GRID2: variants seen among roughly 807,000 people sequenced by gnomAD.
GRID2 encodes glutamate ionotropic receptor delta type subunit 2.
A neutral mutation model predicts 114.8 loss-of-function variants in GRID2; 33 were observed. The observed-to-expected ratio is 0.29, with a 90% CI of 0.22 to 0.38. The LOEUF is 0.38. GRID2 is among the 10% of genes least tolerant of loss of function. The probability of loss-of-function intolerance (pLI) is 1.00; values close to 1 mark genes in which losing one functional copy is unlikely to be tolerated. For synonymous variants in GRID2, 505 were observed against 449.9 expected (o/e 1.12, Z -1.55); for missense variants, 1,184 against 1,257.7 (o/e 0.94, Z 0.89).
At chr4:93,325,709 CT>C (rs58497849) in intron 8 of GRID2, among the ~76,000 whole-genome samples, 52,045 of 151,588 alleles carry the variant, frequency 0.34, 9,385 homozygotes, top group East Asian at 0.61. Context: ...CCTCATTTTT[CT>C]TCTTTAAACT....
At chr4:93,015,830 A>G (rs1722639229) in intron 2 of GRID2, among the ~76,000 whole-genome samples, 1 of 152,138 alleles carries the variant, frequency 6.6e-6, no homozygotes, top group Non-Finnish European at 1.5e-5. Context: ...AGTAGCTACT[A>G]GATCAGTGTT....
At chr4:92,817,731 C>T (rs186075405) in intron 2 of GRID2, among the ~76,000 whole-genome samples, 170 of 151,520 alleles carry the variant, frequency 1.1e-3, no homozygotes, top group Non-Finnish European at 2.1e-3. Flanking sequence ...TGGTGTCTCA[C>T]TATATTGCCC....
Position 92,602,279 on chromosome 4 carries a change from A to T in GRID2, c.244+11993A>T, listed in dbSNP as rs1579662755. On this transcript the variant is annotated intron_variant, in intron 2 of 15. Transcript: ENST00000282020. ...AAAAAGCTTCAGGCCAGTATCCCTG[A>T]TGAACATCGATGTAAAAATCATCAA... Among the ~76,000 whole-genome samples, 3 of 152,212 alleles carry T rather than the reference A, an allele frequency of 2.0e-5. No individual in the cohort carries two copies. The South Asian group carries it at 6.2e-4, about 32-fold the overall frequency.
rs1037387403 is a variant in GRID2, at chr4:92,928,545, T to C, written c.245-156450T>C. Among the ~76,000 whole-genome samples, 22 of 151,640 alleles carry C rather than the reference T, an allele frequency of 1.5e-4. 1 individual carries two copies. In the Admixed American group the frequency reaches 1.5e-3, roughly 10 times the overall value. On this transcript the variant is annotated intron_variant, in intron 2 of 15. Transcript: ENST00000282020. The stretch of plus-strand genomic sequence containing the variant: ...GCCAATGTAGTTCTGCAGCATAATA[T>C]ATCCATAAATTTTCTTGCCTTTATT...
chr4:92,833,730 A>G (rs1560624085), intron 2 of GRID2: 1 of 152,208 alleles, frequency 6.6e-6, no homozygotes. Flanking sequence ...GAAAGGATGA[A>G]CTATTTTCAA....
chr4:93,225,534 G>A (rs1300173071), intron 7 of GRID2, among the ~76,000 whole-genome samples: 2 of 152,004 alleles, frequency 1.3e-5, no homozygotes, highest in Non-Finnish European at 2.9e-5. Context: ...ACAGACATTT[G>A]GAAGTTTATA....
intron 2 of GRID2, among the ~76,000 whole-genome samples, chr4:93,035,473 T>C (rs1724850523): frequency 6.6e-6 from 1 of 152,126 alleles, no homozygotes; most frequent in Non-Finnish European, 1.5e-5. Flanking sequence ...TACCCCCACA[T>C]TTAGTAGGTT....
At chr4:93,221,260 AAGAC>A (rs1744838472) in intron 6 of GRID2, among the ~76,000 whole-genome samples, 2 of 152,294 alleles carry the variant, frequency 1.3e-5, no homozygotes, top group South Asian at 2.1e-4. Context: ...ACACAAGAGA[AAGAC>A]AGAGAAAGAG....
rs532710342 is a variant in GRID2, at chr4:92,659,509, T to G, written c.244+69223T>G. On this transcript the variant is annotated intron_variant, in intron 2 of 15. Transcript: ENST00000282020. ...CAAAGATAATTTTATTTAAGTGCAC[T>G]CACTTCAAGATTGTTGCATGAAATG... Among the ~76,000 whole-genome samples the G allele has an allele frequency of 3.3e-5, 5 of 151,682 alleles. No individual in the cohort carries two copies. The South Asian group carries it at 1.0e-3, about 31-fold the overall frequency.
At chr4:93,394,693 G>T (rs973196482) in intron 8 of GRID2, among the ~76,000 whole-genome samples, 5 of 151,992 alleles carry the variant, frequency 3.3e-5, no homozygotes, top group African/African-American at 1.2e-4. Context: ...TGCACATGCG[G>T]AATATGTTCC....
At chr4:93,677,193 G>T (rs1724971080) in intron 14 of GRID2, among the ~76,000 whole-genome samples, 2 of 152,192 alleles carry the variant, frequency 1.3e-5, no homozygotes, top group African/African-American at 4.8e-5. Context: ...AGCAGTCTGA[G>T]ATCAAACTGC....
chr4:93,119,513 C>T (rs961105712), intron 4 of GRID2, among the ~76,000 whole-genome samples: 2 of 152,098 alleles, frequency 1.3e-5, no homozygotes, highest in Non-Finnish European at 2.9e-5. Context: ...ACTATTTATA[C>T]AGCAATAGAT....
intron 1 of GRID2, among the ~76,000 whole-genome samples, chr4:92,331,832 T>C (rs114680761): frequency 1.3e-5 from 2 of 152,292 alleles, no homozygotes; most frequent in African/African-American, 4.8e-5. Flanking sequence ...TAACACACAA[T>C]AGAGGCAGGA....
At chr4:93,787,179 C>G (rs1034533344) in intron 1 of GRID2, among the ~76,000 whole-genome samples, 14 of 151,874 alleles carry the variant, frequency 9.2e-5, no homozygotes, top group African/African-American at 3.4e-4. Context: ...TTTAATGAAC[C>G]TGACCCGGAA....
chr4:92,493,103 G>A (rs966711207), intron 1 of GRID2, among the ~76,000 whole-genome samples: 3 of 147,914 alleles, frequency 2.0e-5, no homozygotes, highest in East Asian at 2.0e-4. Context: ...CACTCCAGCC[G>A]GGGGACAGAG....
intron 8 of GRID2, among the ~76,000 whole-genome samples, chr4:93,271,006 T>C (rs1751403147): frequency 6.6e-6 from 1 of 152,162 alleles, no homozygotes; most frequent in South Asian, 2.1e-4. Context: ...AATTTATGCA[T>C]GATTGACTAA....
At chr4:93,007,609 A>G (rs1721685265) in intron 2 of GRID2, among the ~76,000 whole-genome samples, 1 of 152,172 alleles carries the variant, frequency 6.6e-6, no homozygotes, top group Non-Finnish European at 1.5e-5. Flanking sequence ...GGATTATTAA[A>G]TAAACTTGAC....
chr4:93,334,086 G>A (rs951320752), intron 8 of GRID2, among the ~76,000 whole-genome samples: 3 of 152,150 alleles, frequency 2.0e-5, no homozygotes, highest in Admixed American at 2.0e-4. Context: ...GCCACATAAT[G>A]TCTTTGCCCT....
intron 2 of GRID2, among the ~76,000 whole-genome samples, chr4:92,977,133 G>A (rs79612722): frequency 0.015 from 2,228 of 152,238 alleles, 21 homozygotes; most frequent in East Asian, 0.053. Context: ...TAAAATGTAA[G>A]CAAATATATT....
Sources: allele counts gnomAD v4.1 joint callset (sites outside exome capture counted in the v4.1 genomes callset), GRCh38; gene constraint gnomAD v4.1.1; transcripts MANE v1.5; gene names NCBI Gene and HGNC (gene_info 2026-07-23, HGNC 2026-07-21).